PAM: variants seen among roughly 807,000 people sequenced by gnomAD.
PAM encodes peptidyl-glycine alpha-amidating monooxygenase.
A neutral mutation model predicts 122.1 loss-of-function variants in PAM; 72 were observed. That is an observed-to-expected ratio of 0.59 (90% CI 0.49 to 0.72). The LOEUF is 0.72. Ranked by LOEUF, PAM falls within the 30% of genes least tolerant of loss-of-function variation. The pLI is 0.00. For missense variants in PAM, 1,106 were observed against 1,183.7 expected (o/e 0.93, Z 0.96); for synonymous variants, 389 against 404.4 (o/e 0.96, Z 0.46).
intron 7 of PAM, among the ~76,000 whole-genome samples, chr5:102,942,229 A>C (rs1242582937): frequency 1.3e-5 from 2 of 152,076 alleles, no homozygotes; most frequent in African/African-American, 4.8e-5. Context: ...CCTCAACTTT[A>C]GAAATTAATC....
chr5:103,012,403 G>A (rs1326361939), intron 21 of PAM, among the ~76,000 whole-genome samples: 1 of 152,206 alleles, frequency 6.6e-6, no homozygotes, highest in East Asian at 1.9e-4. Context: ...TGAGGTCTTA[G>A]ATTTAAGCCT....
At chr5:102,860,860 A>G (rs905344674) in intron 1 of PAM, among the ~76,000 whole-genome samples, 6 of 152,144 alleles carry the variant, frequency 3.9e-5, no homozygotes, top group East Asian at 1.9e-4. Context: ...ATAAAATGCT[A>G]TGGTAGCCAG....
intron 3 of PAM, among the ~76,000 whole-genome samples, chr5:102,879,061 TGGG>T (rs1790132582): frequency 6.6e-6 from 1 of 152,124 alleles, no homozygotes; most frequent in African/African-American, 2.4e-5. Flanking sequence ...CCCGAGTAGC[TGGG>T]ACTACAGGCG....
intron 12 of PAM, among the ~76,000 whole-genome samples, chr5:102,959,137 T>G (rs1190025566): frequency 5.9e-5 from 9 of 152,190 alleles, no homozygotes. Flanking sequence ...ATATCCACTG[T>G]TTTAAAATCT....
intron 1 of PAM, among the ~76,000 whole-genome samples, chr5:102,824,834 C>G (rs1392245024): frequency 6.6e-6 from 1 of 152,146 alleles, no homozygotes; most frequent in African/African-American, 2.4e-5. Context: ...TAAGGACTCA[C>G]TCTAAATAAA....
chr5:103,018,053 T>G (rs1051748349), intron 22 of PAM, among the ~76,000 whole-genome samples: 4 of 152,190 alleles, frequency 2.6e-5, no homozygotes, highest in Non-Finnish European at 4.4e-5. Context: ...GCAGACTAAC[T>G]TTTAACCCCT....
intron 12 of PAM, among the ~76,000 whole-genome samples, chr5:102,951,227 T>C (rs1434464405): frequency 6.6e-6 from 1 of 152,082 alleles, no homozygotes; most frequent in Non-Finnish European, 1.5e-5. Context: ...GTTAAAACTC[T>C]CGTGAATTTA....
At chr5:102,779,220 G>A (rs901441904) in intron 1 of PAM, among the ~76,000 whole-genome samples, 1 of 150,518 alleles carries the variant, frequency 6.6e-6, no homozygotes, top group Non-Finnish European at 1.5e-5. Context: ...GCATATATAT[G>A]TGTGTGTATA....
chr5:103,011,634 T>C (rs1780671658), intron 21 of PAM, among the ~76,000 whole-genome samples: 1 of 152,248 alleles, frequency 6.6e-6, no homozygotes, highest in Non-Finnish European at 1.5e-5. Flanking sequence ...ATTGTGTATA[T>C]GTACCACATT....
intron 1 of PAM, among the ~76,000 whole-genome samples, chr5:102,827,797 C>T (rs1158245573): frequency 2.3e-5 from 1 of 43,306 alleles, no homozygotes; most frequent in African/African-American, 1.4e-4. Flanking sequence ...CGCCATTCTC[C>T]TGCCTCAGCC....
intron 12 of PAM, among the ~76,000 whole-genome samples, chr5:102,957,411 C>G (rs115842192): frequency 1.7e-3 from 262 of 152,260 alleles, no homozygotes; most frequent in African/African-American, 6.0e-3. Flanking sequence ...CCCCACCATA[C>G]AGTCATGAGC....
chr5:102,791,172 C>T (rs1761962151), intron 1 of PAM, among the ~76,000 whole-genome samples: 1 of 152,036 alleles, frequency 6.6e-6, no homozygotes, highest in Non-Finnish European at 1.5e-5. Flanking sequence ...ATAAATGACA[C>T]TCTGATGAAA....
intron 7 of PAM, among the ~76,000 whole-genome samples, chr5:102,930,207 G>A (rs141595612): frequency 6.6e-6 from 1 of 152,146 alleles, no homozygotes; most frequent in African/African-American, 2.4e-5. Flanking sequence ...CTAGTGCTGG[G>A]TATACTAGTC....
Position 102,901,347 on chromosome 5 carries a change from T to C in PAM, c.211-9T>C, listed in dbSNP as rs762780026. 7 of 1,533,102 alleles carry C rather than the reference T, an allele frequency of 4.6e-6. No homozygotes were observed. Among genetic ancestry groups the C allele is most frequent in the Non-Finnish European group, 6.3e-6 (7 of 1,109,332 alleles). The allele number at this position is 1,533,102 out of a possible 1,614,324, so 95.0% of individuals were successfully genotyped here. On this transcript the variant is annotated splice_polypyrimidine_tract_variant and intron_variant, in intron 3 of 25. Transcript: ENST00000438793. Reference sequence around the variant, plus strand: ...TTTAATTTGGATTTTTTAATCTTTTTTTTAATAGTCCGATACATACTTCTG... The same window carrying C: ...TTTAATTTGGATTTTTTAATCTTTTCTTTAATAGTCCGATACATACTTCTG...
chr5:102,928,180 A>G (rs1256018844), intron 7 of PAM, among the ~76,000 whole-genome samples: 1 of 152,212 alleles, frequency 6.6e-6, no homozygotes, highest in African/African-American at 2.4e-5. Context: ...TCTACCCTCT[A>G]TAAAACCCTG....
intron 4 of PAM, among the ~76,000 whole-genome samples, chr5:102,905,395 G>A (rs1318426327): frequency 2.0e-5 from 3 of 151,702 alleles, no homozygotes; most frequent in Non-Finnish European, 4.4e-5. Flanking sequence ...TTTAGAAACA[G>A]ATGAAATTAA....
rs573331411 is a variant in PAM at position 102,974,579 on chromosome 5, G to A, written c.1483+143G>A. 1.0e-5 allele frequency: 6 copies of A among 579,496 alleles called. No homozygotes were observed. In the Admixed American group the frequency reaches 1.3e-4, roughly 13 times the overall value. The allele number at this position is 579,496 out of a possible 1,614,324, so 35.9% of individuals were successfully genotyped here. A position where few individuals can be genotyped will look rare whatever the true frequency, so the allele number is the denominator to read the frequency against. ...ATTAGAAAAAAATTACTCAGATTTG[G>A]GCTATCAGATAACATCTTTGAAGAT... is the stretch of plus-strand genomic sequence containing the variant. On this transcript the variant is annotated intron_variant, in intron 15 of 25. Coordinates refer to ENST00000438793, the MANE Select transcript of PAM (RefSeq NM_001177306.2).
intron 1 of PAM, among the ~76,000 whole-genome samples, chr5:102,762,289 A>G (rs1411002333): frequency 6.6e-6 from 1 of 152,184 alleles, no homozygotes. Context: ...TATAAACAGC[A>G]TGAAATTGGA....
At chr5:102,891,911 T>A (rs1417326406) in intron 3 of PAM, among the ~76,000 whole-genome samples, 1 of 151,818 alleles carries the variant, frequency 6.6e-6, no homozygotes, top group Non-Finnish European at 1.5e-5. Flanking sequence ...ACCTATTGTT[T>A]GCCTACTTTT....
Sources: gnomAD v4.1 joint callset for allele counts (sites outside exome capture counted in the v4.1 genomes callset) on GRCh38, gnomAD v4.1.1 for gene constraint, MANE v1.5 for transcripts, NCBI Gene and HGNC (gene_info 2026-07-23, HGNC 2026-07-21) for gene names.